Variants in LUC7L3 observed in about 807,000 individuals in gnomAD.
LUC7L3 encodes luc7-like protein 3.
Under a neutral mutation model 66.8 loss-of-function variants are expected in LUC7L3, and 6 were observed. The observed-to-expected ratio is 0.09, with a 90% confidence interval of 0.05 to 0.18. The LOEUF is 0.18. Among genes scored for constraint, LUC7L3 ranks in the 10% least tolerant of loss-of-function variants. LUC7L3 has a pLI of 1.00. For synonymous variants in LUC7L3, 160 were observed against 174.7 expected, an observed-to-expected ratio of 0.92 and a Z score of 0.66; for missense variants, 341 against 531.1, an observed-to-expected ratio of 0.64 and a Z score of 3.52.
At chr17:50,720,375 G>A (rs1220478204) in intron 1 of LUC7L3, among the ~76,000 whole-genome samples, 2 of 152,216 alleles carry the variant, frequency 1.3e-5, no homozygotes, top group African/African-American at 4.8e-5. Flanking sequence ...ATTCTAAGAA[G>A]TCCCTTATAG....
chr17:50,747,269 A>T, intron 9 of LUC7L3, among the ~76,000 whole-genome samples: 1 of 123,556 alleles, frequency 8.1e-6, no homozygotes, highest in African/African-American at 3.2e-5. Flanking sequence ...CCAGTAGCTG[A>T]TTTACTGTGC....
At chr17:50,728,888 G>A (rs987680547) in intron 1 of LUC7L3, among the ~76,000 whole-genome samples, 9 of 109,994 alleles carry the variant, frequency 8.2e-5, no homozygotes, top group African/African-American at 2.5e-4. Flanking sequence ...AAATTTCCAG[G>A]TATTCCTGGA....
At position 50,740,433 on chromosome 17, in the gene LUC7L3, TA is replaced by T. The variant is rs1970277113; in HGVS notation, c.206+92del. 4.8e-6 allele frequency: 6 copies of T among 1,256,558 alleles called. No homozygotes were observed. The Admixed American group carries it at 1.3e-4, about 26-fold the overall frequency. 77.8% of individuals were successfully genotyped at this position (1,256,558 alleles called of 1,614,324 possible). On this transcript the variant is annotated intron_variant, in intron 3 of 9. Transcript: ENST00000505658. ...GTTGAGGAATAATTGCAATTAAATG[TA>T]AAATGAGTGTCTGAGAGAAGTCCAG...
intron 1 of LUC7L3, among the ~76,000 whole-genome samples, chr17:50,720,869 C>A (rs1178471834): frequency 1.4e-4 from 21 of 152,140 alleles, no homozygotes; most frequent in Non-Finnish European, 1.5e-5. Context: ...CCTTTTAGGA[C>A]TTTAAGAAAG....
intron 1 of LUC7L3, among the ~76,000 whole-genome samples, chr17:50,721,261 T>C (rs1968734998): frequency 6.6e-6 from 1 of 152,218 alleles, no homozygotes; most frequent in Non-Finnish European, 1.5e-5. Flanking sequence ...AGAAAAATGC[T>C]TTCCATTGCA....
intron 8 of LUC7L3, 107 bp from the exon 9 acceptor site, chr17:50,746,435 T>G: frequency 1.0e-6 from 1 of 962,396 alleles, no homozygotes; most frequent in Non-Finnish European, 1.6e-6. Context: ...GTAAATATGT[T>G]TTAGAGGGTA....
rs1474662942 is a variant in LUC7L3, at chr17:50,753,037, A to G, written c.*2376A>G. The G allele has an allele frequency of 6.6e-6, 1 of 152,216 alleles. No homozygotes were observed. Among genetic ancestry groups the G allele is most frequent in the South Asian group, 2.1e-4 (1 of 4,832 alleles). The allele number at this position is 152,216 out of a possible 1,614,324, so 9.4% of individuals were successfully genotyped here. ...CTAGTTTTTGTTAAGTCCTGTATCAAGATTAACCCAGCTGTGTCAGTTTAT... is the reference window on the plus strand; with the variant it reads ...CTAGTTTTTGTTAAGTCCTGTATCAGGATTAACCCAGCTGTGTCAGTTTAT... On this transcript the variant is annotated 3_prime_UTR_variant, in exon 10 of 10. Coordinates refer to ENST00000505658, the MANE Select transcript of LUC7L3 (RefSeq NM_016424.5).
chr17:50,719,647 G>T lies in LUC7L3; in HGVS notation c.-86G>T. Reference sequence around the variant, plus strand: ...GTAGGAGGGATTTCGGCCTGAGAGCGGGCCGAGGAGATTGGCGACGGTGTC... The same window carrying T: ...GTAGGAGGGATTTCGGCCTGAGAGCTGGCCGAGGAGATTGGCGACGGTGTC... On this transcript the variant is annotated 5_prime_UTR_variant, in exon 1 of 10. Coordinates refer to ENST00000505658, the MANE Select transcript of LUC7L3 (RefSeq NM_016424.5). The T allele has an allele frequency of 8.8e-7, 1 of 1,141,938 alleles. No individual in the cohort carries two copies. The highest frequency in any genetic ancestry group is 1.3e-5 in the South Asian group (1 of 74,912). 70.7% of individuals were successfully genotyped at this position (1,141,938 alleles called of 1,614,324 possible).
In LUC7L3 at chr17:50,753,115, C is replaced by T. The variant is rs1971045446; in HGVS notation, c.*2454C>T. The stretch of plus-strand genomic sequence containing the variant: ...TATATATGGCAAGGGTTTTTTCCCC[C>T]CACTTAAGTGATTATTTTTGTGTCA... On this transcript the variant is annotated 3_prime_UTR_variant, in exon 10 of 10. Transcript: ENST00000505658. 1 of 152,070 alleles carries T rather than the reference C, an allele frequency of 6.6e-6. No homozygotes were observed. The highest frequency in any genetic ancestry group is 1.5e-5 in the Non-Finnish European group (1 of 68,012). The allele number at this position is 152,070 out of a possible 1,614,324, so 9.4% of individuals were successfully genotyped here.
At chr17:50,730,881 AT>A (rs1351690122) in intron 1 of LUC7L3, among the ~76,000 whole-genome samples, 2 of 151,718 alleles carry the variant, frequency 1.3e-5, no homozygotes, top group Admixed American at 1.3e-4. Context: ...TAGAGGTTGC[AT>A]TGAGCCAAGA....
At chr17:50,731,824 C>G (rs578058717) in intron 1 of LUC7L3, among the ~76,000 whole-genome samples, 6 of 152,272 alleles carry the variant, frequency 3.9e-5, no homozygotes, top group African/African-American at 4.8e-5. Flanking sequence ...CACAGACAGG[C>G]ATGTGTTATT....
intron 5 of LUC7L3, 178 bp from the exon 6 acceptor site, chr17:50,743,528 A>G (rs1367771997): frequency 1.1e-5 from 6 of 527,796 alleles, no homozygotes; most frequent in Non-Finnish European, 2.0e-5. Context: ...TTCTTAACAC[A>G]TCAGTTATAC....
intron 7 of LUC7L3, 108 bp downstream of exon 7, chr17:50,744,921 C>T (rs1970572288): frequency 3.6e-6 from 3 of 840,798 alleles, no homozygotes; most frequent in Middle Eastern, 3.5e-4. Flanking sequence ...AAGCAATTCT[C>T]ATGCCTCAGC....
At chr17:50,730,429 A>C (rs1003515880) in intron 1 of LUC7L3, among the ~76,000 whole-genome samples, 1 of 145,786 alleles carries the variant, frequency 6.9e-6, no homozygotes, top group Non-Finnish European at 1.5e-5. Flanking sequence ...GAGGCACGAG[A>C]ATTGCTTGAG....
At chr17:50,747,402 A>G (rs1970748201) in intron 9 of LUC7L3, among the ~76,000 whole-genome samples, 1 of 151,202 alleles carries the variant, frequency 6.6e-6, no homozygotes, top group South Asian at 2.1e-4. Context: ...TCTGAGTTTC[A>G]TGTTCTTCTA....
At chr17:50,736,832 A>G (rs1970014888) in intron 1 of LUC7L3, 128 bp from the exon 2 acceptor site, 1 of 641,508 alleles carries the variant, frequency 1.6e-6, no homozygotes, top group Admixed American at 3.0e-5. Flanking sequence ...ATGATTCAAC[A>G]AATGAAATTC....
intron 1 of LUC7L3, among the ~76,000 whole-genome samples, chr17:50,736,058 GGGAGGC>G (rs1479550361): frequency 6.6e-6 from 1 of 152,188 alleles, no homozygotes; most frequent in Admixed American, 6.5e-5. Flanking sequence ...GCTTGAACCT[GGGAGGC>G]GGAGCTTGCA....
At chr17:50,735,028 C>T (rs934296941) in intron 1 of LUC7L3, among the ~76,000 whole-genome samples, 8 of 151,982 alleles carry the variant, frequency 5.3e-5, no homozygotes, top group African/African-American at 1.7e-4. Context: ...GTTGGGAGTT[C>T]GAGACCAGCC....
intron 2 of LUC7L3, chr17:50,738,063 G>A: frequency 2.4e-6 from 1 of 420,792 alleles, no homozygotes; most frequent in South Asian, 1.7e-5. Flanking sequence ...CAGAGTAAAT[G>A]AATCTATATT....
Sources: allele counts gnomAD v4.1 joint callset (sites outside exome capture counted in the v4.1 genomes callset), GRCh38; gene constraint gnomAD v4.1.1; transcripts MANE v1.5; gene names NCBI Gene and HGNC (gene_info 2026-07-23, HGNC 2026-07-21).